Variants in KCNIP4 observed in about 807,000 individuals in gnomAD.
KCNIP4 encodes Kv channel-interacting protein 4.
Under a neutral mutation model 34.0 loss-of-function variants are expected in KCNIP4, and 12 were observed. The ratio of observed to expected loss-of-function variants is 0.35; its 90% CI spans 0.23 to 0.57. The LOEUF is 0.57. Among genes scored for constraint, KCNIP4 ranks in the 20% least tolerant of loss-of-function variants. KCNIP4 has a pLI of 0.83. For synonymous variants in KCNIP4, 124 were observed against 102.2 expected (o/e 1.21, Z -1.29); for missense variants, 238 against 311.7 (o/e 0.76, Z 1.78).
intron 1 of KCNIP4, among the ~76,000 whole-genome samples, chr4:21,493,335 G>T (rs1017372191): frequency 3.9e-5 from 6 of 152,084 alleles, no homozygotes; most frequent in Admixed American, 3.9e-4. Context: ...TAAGACATCC[G>T]CTAGACCAAT....
intron 1 of KCNIP4, among the ~76,000 whole-genome samples, chr4:21,264,523 T>C (rs1761676202): frequency 1.3e-5 from 2 of 152,164 alleles, no homozygotes; most frequent in Non-Finnish European, 2.9e-5. Context: ...GCTGTGTTAT[T>C]TAATCTGTGC....
At chr4:21,555,212 C>A (rs1293284375) in intron 1 of KCNIP4, among the ~76,000 whole-genome samples, 1 of 152,102 alleles carries the variant, frequency 6.6e-6, no homozygotes, top group African/African-American at 2.4e-5. Context: ...TGTCTGAGGT[C>A]ACCCTCCAAG....
At chr4:21,476,901 G>A (rs1731026799) in intron 1 of KCNIP4, among the ~76,000 whole-genome samples, 2 of 151,924 alleles carry the variant, frequency 1.3e-5, no homozygotes, top group South Asian at 2.1e-4. Flanking sequence ...CCTTGGCTCC[G>A]TCCTTGCTTA....
At chr4:20,957,523 T>G (rs16870269) in intron 1 of KCNIP4, among the ~76,000 whole-genome samples, 1 of 152,052 alleles carries the variant, frequency 6.6e-6, no homozygotes, top group Admixed American at 6.6e-5. Context: ...CAGAGAGATA[T>G]TATTTCATTC....
At chr4:21,512,814 A>T (rs965825911) in intron 1 of KCNIP4, among the ~76,000 whole-genome samples, 5 of 152,372 alleles carry the variant, frequency 3.3e-5, no homozygotes, top group East Asian at 3.9e-4. Flanking sequence ...ATAAAGGTCT[A>T]CATAATTGGC....
chr4:20,885,850 C>A (rs1187047999), intron 1 of KCNIP4, among the ~76,000 whole-genome samples: 1 of 152,168 alleles, frequency 6.6e-6, no homozygotes, highest in African/African-American at 2.4e-5. Context: ...GGCCTTTTCA[C>A]ATGCTATTAT....
intron 1 of KCNIP4, among the ~76,000 whole-genome samples, chr4:21,569,433 A>G (rs982284537): frequency 6.6e-6 from 1 of 151,962 alleles, no homozygotes; most frequent in Non-Finnish European, 1.5e-5. Context: ...AACTTTAGTA[A>G]TTTGATAGTA....
chr4:21,013,161 G>A (rs774859841), intron 1 of KCNIP4, among the ~76,000 whole-genome samples: 1 of 152,158 alleles, frequency 6.6e-6, no homozygotes. Context: ...TAGCACAGAC[G>A]CAGCAATGGA....
rs184747230 is a variant in KCNIP4 at position 21,066,724 on chromosome 4, G to A, written c.62-184015C>T. 6.4e-4 allele frequency among the ~76,000 whole-genome samples: 98 copies of A among 152,310 alleles called. 2 individuals are homozygous for A. The South Asian group carries it at 8.1e-3, about 13-fold the overall frequency. ...AACCCTAGCCAGAGGCAAATTGCCC[G>A]TCCCAGTTGTCAGAACATGAGTTTC... On this transcript the variant is annotated intron_variant, in intron 1 of 8. Transcript: ENST00000382152.
Position 21,462,225 on chromosome 4 carries a change from C to T in KCNIP4, c.61+486346G>A, listed in dbSNP as rs190291226. Among the ~76,000 whole-genome samples, 1,231 of 152,078 alleles carry T rather than the reference C, an allele frequency of 8.1e-3. 15 individuals carry two copies. The highest frequency in any genetic ancestry group is 0.028 in the African/African-American group (1,181 of 41,490). On this transcript the variant is annotated intron_variant, in intron 1 of 8. Coordinates refer to ENST00000382152, the MANE Select transcript of KCNIP4 (RefSeq NM_025221.6). Reference sequence around the variant, plus strand: ...CCCCCATGTATTTGTGTGTTTTCACCCTGCTGATAAAGATATACCCAAGAC... The same window carrying T: ...CCCCCATGTATTTGTGTGTTTTCACTCTGCTGATAAAGATATACCCAAGAC...
chr4:21,456,301 C>T (rs946391121), intron 1 of KCNIP4, among the ~76,000 whole-genome samples: 4 of 147,402 alleles, frequency 2.7e-5, no homozygotes, highest in East Asian at 2.0e-4. Flanking sequence ...TCTTTGAAGT[C>T]GGATCAAGAT....
chr4:21,847,718 C>T (rs1724111285), intron 1 of KCNIP4: 1 of 152,072 alleles, frequency 6.6e-6, no homozygotes, highest in East Asian at 1.9e-4. Context: ...GAATAGCTGT[C>T]ACTTGACACC....
chr4:21,737,174 T>C (rs1032914118), intron 1 of KCNIP4, among the ~76,000 whole-genome samples: 1 of 152,154 alleles, frequency 6.6e-6, no homozygotes, highest in African/African-American at 2.4e-5. Context: ...GGTGTAGTCA[T>C]TTACCTACCT....
chr4:20,968,816 T>A (rs1734642488), intron 1 of KCNIP4, among the ~76,000 whole-genome samples: 1 of 152,016 alleles, frequency 6.6e-6, no homozygotes, highest in Non-Finnish European at 1.5e-5. Flanking sequence ...TTAGGATAAA[T>A]ATCTAACGTA....
At chr4:21,620,257 C>T (rs1040590208) in intron 1 of KCNIP4, among the ~76,000 whole-genome samples, 1 of 152,142 alleles carries the variant, frequency 6.6e-6, no homozygotes, top group South Asian at 2.1e-4. Context: ...AATCCCAATA[C>T]TTTGAAAGGC....
At chr4:21,225,997 C>T (rs1301429997) in intron 1 of KCNIP4, among the ~76,000 whole-genome samples, 1 of 151,812 alleles carries the variant, frequency 6.6e-6, no homozygotes, top group Non-Finnish European at 1.5e-5. Context: ...ATATTAATGG[C>T]TAACATTTAT....
chr4:21,661,685 G>A (rs567857804), intron 1 of KCNIP4, among the ~76,000 whole-genome samples: 1 of 152,258 alleles, frequency 6.6e-6, no homozygotes, highest in East Asian at 1.9e-4. Context: ...TCATCCGATA[G>A]AAGATTCTAG....
At position 21,556,795 on chromosome 4, in the gene KCNIP4, C is replaced by A. The variant is rs1019190233; in HGVS notation, c.61+391776G>T. ...AATTAGCCAAGCATAGTGGCAGGTG[C>A]CTGTAATCCCAGCTACTCAGGAGGC... On this transcript the variant is annotated intron_variant, in intron 1 of 8. Transcript: ENST00000382152. Among the ~76,000 whole-genome samples the A allele has an allele frequency of 9.2e-5, 14 of 151,538 alleles. 1 individual carries two copies. Among genetic ancestry groups the A allele is most frequent in the Admixed American group, 7.9e-4 (12 of 15,198 alleles).
intron 1 of KCNIP4, among the ~76,000 whole-genome samples, chr4:21,333,883 A>C (rs1317285955): frequency 1.3e-5 from 2 of 152,190 alleles, no homozygotes; most frequent in African/African-American, 4.8e-5. Context: ...CTGTTCTTTA[A>C]TAACTCGGTG....
Sources: gnomAD v4.1 joint callset for allele counts (sites outside exome capture counted in the v4.1 genomes callset) on GRCh38, gnomAD v4.1.1 for gene constraint, MANE v1.5 for transcripts, NCBI Gene and HGNC (gene_info 2026-07-23, HGNC 2026-07-21) for gene names.